Variants in HS3ST4 observed in about 807,000 individuals in gnomAD.
HS3ST4 encodes the protein heparan sulfate glucosamine 3-O-sulfotransferase 4.
In HS3ST4, 17 loss-of-function variants were observed where a neutral mutation model predicts 29.2. The observed-to-expected ratio is 0.58, with a 90% CI of 0.40 to 0.87. The LOEUF (loss-of-function observed/expected upper bound fraction) is 0.87. Among genes scored for constraint, HS3ST4 ranks in the 40% least tolerant of loss-of-function variants. The pLI is 0.00. For missense variants in HS3ST4, 627 were observed against 634.5 expected, an observed-to-expected ratio of 0.99 and a Z score of 0.13; for synonymous variants, 314 against 285.7, an observed-to-expected ratio of 1.10 and a Z score of -1.00.
chr16:25,943,695 A>T (rs1027573133), intron 1 of HS3ST4, among the ~76,000 whole-genome samples: 3 of 152,188 alleles, frequency 2.0e-5, no homozygotes, highest in Admixed American at 1.3e-4. Flanking sequence ...TCAAATTCTG[A>T]TGTAAAACCA....
chr16:25,841,325 A>C (rs1195908140), intron 1 of HS3ST4, among the ~76,000 whole-genome samples: 1 of 151,896 alleles, frequency 6.6e-6, no homozygotes, highest in African/African-American at 2.4e-5. Context: ...TTTGAAACAG[A>C]GTTTTGCTCT....
intron 1 of HS3ST4, among the ~76,000 whole-genome samples, chr16:26,118,218 A>G (rs940374957): frequency 8.5e-5 from 13 of 152,180 alleles, no homozygotes; most frequent in African/African-American, 3.1e-4. Context: ...GGTGCACACC[A>G]TCACACTTGG....
At chr16:25,767,777 A>G (rs950732895) in intron 1 of HS3ST4, among the ~76,000 whole-genome samples, 10 of 152,178 alleles carry the variant, frequency 6.6e-5, no homozygotes, top group African/African-American at 2.4e-4. Flanking sequence ...CTGAATGGGA[A>G]GGGAAACTCA....
At chr16:25,916,836 C>T (rs772048411) in intron 1 of HS3ST4, among the ~76,000 whole-genome samples, 35 of 151,528 alleles carry the variant, frequency 2.3e-4, no homozygotes, top group Non-Finnish European at 4.0e-4. Context: ...CCTGCGACCA[C>T]GCCCGGCTGA....
intron 1 of HS3ST4, among the ~76,000 whole-genome samples, chr16:25,719,887 T>G (rs1438380674): frequency 6.6e-6 from 1 of 152,232 alleles, no homozygotes; most frequent in East Asian, 1.9e-4. Flanking sequence ...TATACACCAG[T>G]GAGCAAAACA....
intron 1 of HS3ST4, among the ~76,000 whole-genome samples, chr16:26,096,927 T>G (rs1336653615): frequency 2.0e-5 from 3 of 152,214 alleles, no homozygotes; most frequent in African/African-American, 7.2e-5. Context: ...CAAGCATTTC[T>G]ATGCATGAAT....
chr16:26,112,911 T>A (rs529111808), intron 1 of HS3ST4, among the ~76,000 whole-genome samples: 4 of 57,876 alleles, frequency 6.9e-5, no homozygotes, highest in African/African-American at 1.6e-4. Context: ...CAAAGTGGCA[T>A]TAGCTTTAAG....
Position 26,137,267 on chromosome 16 carries a change from G to A in HS3ST4, c.*1019G>A, listed in dbSNP as rs1368261965. On this transcript the variant is annotated 3_prime_UTR_variant, in exon 2 of 2. Transcript: ENST00000331351. ...AGAGAGTTGACAAGTCTGTTATTAG[G>A]AATAATCCTTAGCCATGTAATGGAG... The A allele has an allele frequency of 6.6e-6, 1 of 152,124 alleles. No individual in the cohort carries two copies. The highest frequency in any genetic ancestry group is 1.5e-5 in the Non-Finnish European group (1 of 68,044). The allele number at this position is 152,124 out of a possible 1,614,324, so 9.4% of individuals were successfully genotyped here.
At chr16:25,780,018 T>G (rs1042585117) in intron 1 of HS3ST4, among the ~76,000 whole-genome samples, 1 of 152,126 alleles carries the variant, frequency 6.6e-6, no homozygotes, top group Non-Finnish European at 1.5e-5. Context: ...GTGATGAGAG[T>G]GTCCTAGGAG....
chr16:25,716,737 T>G (rs969461961), intron 1 of HS3ST4, among the ~76,000 whole-genome samples: 1 of 152,180 alleles, frequency 6.6e-6, no homozygotes, highest in Admixed American at 6.5e-5. Flanking sequence ...TTTGCTGTTA[T>G]CCACATTTTA....
intron 1 of HS3ST4, among the ~76,000 whole-genome samples, chr16:25,712,717 A>G (rs1435351763): frequency 6.6e-6 from 1 of 152,216 alleles, no homozygotes; most frequent in African/African-American, 2.4e-5. Context: ...AAAGGGAAAG[A>G]TTGATGGATT....
chr16:26,082,042 G>T (rs139526385), intron 1 of HS3ST4, among the ~76,000 whole-genome samples: 1 of 152,066 alleles, frequency 6.6e-6, no homozygotes, highest in Non-Finnish European at 1.5e-5. Context: ...TGATTCACCC[G>T]CCTTGGCCTC....
At chr16:26,104,294 A>C (rs1214245266) in intron 1 of HS3ST4, among the ~76,000 whole-genome samples, 1 of 152,162 alleles carries the variant, frequency 6.6e-6, no homozygotes, top group African/African-American at 2.4e-5. Context: ...AATTTATTCC[A>C]GTTTCTACTG....
At chr16:26,022,254 C>A (rs1969420508) in intron 1 of HS3ST4, among the ~76,000 whole-genome samples, 1 of 152,112 alleles carries the variant, frequency 6.6e-6, no homozygotes, top group South Asian at 2.1e-4. Flanking sequence ...TATGCATTAG[C>A]CATGGCAACC....
At chr16:25,837,577 T>G (rs1448387390) in intron 1 of HS3ST4, among the ~76,000 whole-genome samples, 1 of 152,136 alleles carries the variant, frequency 6.6e-6, no homozygotes, top group Non-Finnish European at 1.5e-5. Context: ...TATGGCTATC[T>G]ATTTGATGGG....
At chr16:25,828,307 T>TTTCA (rs1567249550) in intron 1 of HS3ST4, among the ~76,000 whole-genome samples, 1 of 84,702 alleles carries the variant, frequency 1.2e-5, no homozygotes, top group Admixed American at 1.4e-4. Context: ...TTTCCCTCTC[T>TTTCA]CTCTCTCTCT....
At chr16:26,068,974 C>T (rs1029919138) in intron 1 of HS3ST4, among the ~76,000 whole-genome samples, 11 of 152,180 alleles carry the variant, frequency 7.2e-5, no homozygotes, top group Non-Finnish European at 1.3e-4. Context: ...GTGTTTGAGA[C>T]GGGGTGTTGC....
intron 1 of HS3ST4, among the ~76,000 whole-genome samples, chr16:26,124,511 G>T (rs551779480): frequency 1.2e-4 from 18 of 152,278 alleles, no homozygotes; most frequent in African/African-American, 4.3e-4. Flanking sequence ...ATCCCATGAA[G>T]GAAAACATAC....
At chr16:25,936,300 A>G (rs1968516645) in intron 1 of HS3ST4, among the ~76,000 whole-genome samples, 3 of 152,326 alleles carry the variant, frequency 2.0e-5, no homozygotes, top group South Asian at 4.1e-4. Context: ...TAGAAGGCTC[A>G]CTAATCAGAT....
Sources: allele counts gnomAD v4.1 joint callset (sites outside exome capture counted in the v4.1 genomes callset), GRCh38; gene constraint gnomAD v4.1.1; transcripts MANE v1.5; gene names NCBI Gene and HGNC (gene_info 2026-07-23, HGNC 2026-07-21).